Variants in RBFOX1 observed in about 807,000 individuals in gnomAD.
RBFOX1 encodes the protein RNA binding fox-1 homolog 1, also known as RNA binding protein fox-1 homolog 1.
RBFOX1 carries 8 observed loss-of-function variants against 57.7 expected under a neutral mutation model. The ratio of observed to expected loss-of-function variants is 0.14; its 90% CI spans 0.08 to 0.25. The LOEUF is 0.25. RBFOX1 is among the 10% of genes least tolerant of loss of function. The pLI is 1.00. For missense variants in RBFOX1, 611 were observed against 548.5 expected, an observed-to-expected ratio of 1.11 and a Z score of -1.14; for synonymous variants, 326 against 222.4, an observed-to-expected ratio of 1.47 and a Z score of -4.15.
intron 3 of RBFOX1, among the ~76,000 whole-genome samples, chr16:6,787,855 C>G (rs888273818): frequency 6.6e-6 from 1 of 152,186 alleles, no homozygotes; most frequent in African/African-American, 2.4e-5. Flanking sequence ...ATAAAGTTAA[C>G]ATAAGCGTAA....
At chr16:7,299,522 T>C (rs974178934) in intron 4 of RBFOX1, among the ~76,000 whole-genome samples, 25 of 152,200 alleles carry the variant, frequency 1.6e-4, no homozygotes, top group African/African-American at 5.1e-4. Context: ...TGCTGCTGAA[T>C]GGTTGGAATT....
intron 4 of RBFOX1, among the ~76,000 whole-genome samples, chr16:7,337,348 A>G (rs1244095599): frequency 6.6e-6 from 1 of 152,188 alleles, no homozygotes; most frequent in African/African-American, 2.4e-5. Context: ...GGGAACTGGT[A>G]TTTGAGTTGG....
intron 14 of RBFOX1, among the ~76,000 whole-genome samples, chr16:7,691,769 C>G (rs1427962021): frequency 6.6e-6 from 1 of 152,146 alleles, no homozygotes; most frequent in Non-Finnish European, 1.5e-5. Flanking sequence ...AGCTAGCAAT[C>G]TGTTCTAGGA....
At chr16:5,953,699 C>A (rs907280707) in intron 4 of RBFOX1, among the ~76,000 whole-genome samples, 1 of 124,664 alleles carries the variant, frequency 8.0e-6, no homozygotes, top group South Asian at 2.4e-4. Context: ...AAGTAGTCTT[C>A]TGTCTTATAT....
At chr16:6,235,987 C>T (rs759087473) in intron 1 of RBFOX1, among the ~76,000 whole-genome samples, 5 of 151,990 alleles carry the variant, frequency 3.3e-5, no homozygotes, top group Non-Finnish European at 5.9e-5. Context: ...ACCACCTGTT[C>T]CCCAATAACC....
intron 2 of RBFOX1, chr16:6,573,844 C>T (rs2097381332): frequency 6.6e-6 from 1 of 152,236 alleles, no homozygotes; most frequent in African/African-American, 2.4e-5. Context: ...GCTGGCCTCG[C>T]AGCGACACTC....
intron 2 of RBFOX1, among the ~76,000 whole-genome samples, chr16:6,468,277 G>T (rs2095096138): frequency 6.6e-6 from 1 of 152,220 alleles, no homozygotes; most frequent in African/African-American, 2.4e-5. Context: ...ACCAAATAAA[G>T]GCTTATAGCA....
At chr16:5,528,873 C>G (rs568780773) in intron 2 of RBFOX1, among the ~76,000 whole-genome samples, 79 of 152,264 alleles carry the variant, frequency 5.2e-4, no homozygotes, top group African/African-American at 1.9e-3. Context: ...TGGTCTTGAA[C>G]TCCTGAGCTC....
intron 1 of RBFOX1, among the ~76,000 whole-genome samples, chr16:6,257,155 G>C (rs1229208370): frequency 1.3e-5 from 2 of 152,052 alleles, no homozygotes; most frequent in Non-Finnish European, 2.9e-5. Context: ...AGGACATGCA[G>C]GTTTGTTCCA....
intron 4 of RBFOX1, among the ~76,000 whole-genome samples, chr16:7,484,871 G>A (rs2064980123): frequency 6.6e-6 from 1 of 152,058 alleles, no homozygotes; most frequent in African/African-American, 2.4e-5. Context: ...GCCACCTTTG[G>A]GCTATCAGAT....
At chr16:6,485,052 T>G (rs1343959526) in intron 2 of RBFOX1, among the ~76,000 whole-genome samples, 1 of 152,160 alleles carries the variant, frequency 6.6e-6, no homozygotes, top group Non-Finnish European at 1.5e-5. Flanking sequence ...AGTAAAAGGG[T>G]GTTTGTGGCA....
intron 1 of RBFOX1, among the ~76,000 whole-genome samples, chr16:6,090,958 C>A (rs1400768602): frequency 6.6e-6 from 1 of 152,210 alleles, no homozygotes. Context: ...GTATGGGAAG[C>A]ATGTGATATT....
intron 1 of RBFOX1, among the ~76,000 whole-genome samples, chr16:5,275,883 A>C (rs557948936): frequency 6.6e-6 from 1 of 152,372 alleles, no homozygotes; most frequent in East Asian, 1.9e-4. Flanking sequence ...ATAAAGCCCA[A>C]TAATTAATAG....
chr16:7,026,748 G>A (rs997696824), intron 3 of RBFOX1, among the ~76,000 whole-genome samples: 6 of 152,138 alleles, frequency 3.9e-5, no homozygotes, highest in African/African-American at 9.7e-5. Context: ...ACCCAATTCC[G>A]AGGCCTCAAC....
At chr16:6,129,325 T>A (rs989802395) in intron 1 of RBFOX1, among the ~76,000 whole-genome samples, 2 of 151,782 alleles carry the variant, frequency 1.3e-5, no homozygotes, top group African/African-American at 4.8e-5. Context: ...AAAATGGAAG[T>A]CATAAAAAGG....
At chr16:5,840,514 C>T (rs7195844) in intron 3 of RBFOX1, among the ~76,000 whole-genome samples, 10,218 of 152,186 alleles carry the variant, frequency 0.067, 891 homozygotes, top group African/African-American at 0.2. Context: ...CTTCAGAACA[C>T]CAGGAACACA....
chr16:6,496,712 C>A lies in RBFOX1; in HGVS notation c.-63-157891C>A, dbSNP rs181543908. Among the ~76,000 whole-genome samples the A allele has an allele frequency of 2.7e-3, 412 of 152,224 alleles. 3 individuals carry two copies. Among genetic ancestry groups the A allele is most frequent in the African/African-American group, 9.1e-3 (376 of 41,534 alleles). On this transcript the variant is annotated intron_variant, in intron 2 of 15. Transcript: ENST00000550418. ...CGGTGTCTCATGCCTGTAATCCCAG[C>A]ACTGTGGGAGGCCAGGGTGGGTGGA...
chr16:5,573,784 A>AGATAT (rs2151138490), intron 2 of RBFOX1, among the ~76,000 whole-genome samples: 1 of 152,222 alleles, frequency 6.6e-6, no homozygotes, highest in East Asian at 1.9e-4. Flanking sequence ...CAACATGGCA[A>AGATAT]GATATCATAT....
chr16:7,069,345 C>G (rs947514447), intron 4 of RBFOX1, among the ~76,000 whole-genome samples: 4 of 152,140 alleles, frequency 2.6e-5, no homozygotes, highest in African/African-American at 9.7e-5. Context: ...CTAATGCTCT[C>G]CCTCCCATCA....
Sources: gnomAD v4.1 joint callset for allele counts (sites outside exome capture counted in the v4.1 genomes callset) on GRCh38, gnomAD v4.1.1 for gene constraint, MANE v1.5 for transcripts, NCBI Gene and HGNC (gene_info 2026-07-23, HGNC 2026-07-21) for gene names.